CNOT4: variants seen among roughly 807,000 people sequenced by gnomAD.
CNOT4 encodes the protein CCR4-associated factor 4.
Under a neutral mutation model 73.8 loss-of-function variants are expected in CNOT4, and 8 were observed. The ratio of observed to expected loss-of-function variants is 0.11; its 90% CI spans 0.06 to 0.20. CNOT4 has a LOEUF of 0.20. Among genes scored for constraint, CNOT4 ranks in the 10% least tolerant of loss-of-function variants. The pLI is 1.00. For synonymous variants in CNOT4, 293 were observed against 321.1 expected (o/e 0.91, Z 0.94); for missense variants, 564 against 883.4 (o/e 0.64, Z 4.58).
chr7:135,459,339 T>G (rs1032738859), intron 1 of CNOT4, among the ~76,000 whole-genome samples: 1 of 152,192 alleles, frequency 6.6e-6, no homozygotes, highest in Non-Finnish European at 1.5e-5. Context: ...AGGAAGGATT[T>G]CTGCAGTGGG....
At chr7:135,490,139 T>G (rs1259830531) in intron 1 of CNOT4, among the ~76,000 whole-genome samples, 1 of 152,236 alleles carries the variant, frequency 6.6e-6, no homozygotes, top group African/African-American at 2.4e-5. Flanking sequence ...CTTCACAATT[T>G]CACATACGAT....
intron 7 of CNOT4, among the ~76,000 whole-genome samples, chr7:135,406,763 C>G (rs960487134): frequency 6.6e-6 from 1 of 152,028 alleles, no homozygotes; most frequent in African/African-American, 2.4e-5. Context: ...CTCCTGTTTC[C>G]CCCTTTACAA....
chr7:135,453,848 T>TATATATATATATATATATATATA (rs61345541), intron 1 of CNOT4, among the ~76,000 whole-genome samples: 41 of 116,700 alleles, frequency 3.5e-4, no homozygotes, highest in South Asian at 5.4e-4. Context: ...ATATATATAT[T>TATATATATATATATATATATATA]ATATATATAG....
At chr7:135,495,166 T>C (rs1803382668) in intron 1 of CNOT4, among the ~76,000 whole-genome samples, 1 of 152,122 alleles carries the variant, frequency 6.6e-6, no homozygotes, top group East Asian at 1.9e-4. Context: ...ATATTCCCTA[T>C]TATGAAATTT....
chr7:135,454,881 C>CAAAAT (rs1211564753), intron 1 of CNOT4, among the ~76,000 whole-genome samples: 2 of 151,950 alleles, frequency 1.3e-5, no homozygotes, highest in Admixed American at 1.3e-4. Flanking sequence ...GACAGCGTCT[C>CAAAAT]AAAATAAAAT....
intron 1 of CNOT4, among the ~76,000 whole-genome samples, chr7:135,450,487 T>G (rs1022816529): frequency 1.3e-5 from 2 of 152,056 alleles, no homozygotes; most frequent in African/African-American, 4.8e-5. Context: ...AGACCCAGAT[T>G]ACCAGGCAGG....
intron 10 of CNOT4, chr7:135,388,737 A>G: frequency 3.8e-6 from 6 of 1,569,588 alleles, no homozygotes; most frequent in Non-Finnish European, 5.2e-6. Flanking sequence ...ATCATGCAAA[A>G]ATCCAGTTGC....
At chr7:135,479,198 A>ATTTTTTTTTTTTTTT (rs61487024) in intron 1 of CNOT4, among the ~76,000 whole-genome samples, 1 of 89,816 alleles carries the variant, frequency 1.1e-5, no homozygotes, top group African/African-American at 4.7e-5. Context: ...TTAGAACCAA[A>ATTTTTTTTTTTTTTT]TTTTTTTTTT....
Position 135,363,754 on chromosome 7 carries a change from G to A in CNOT4, c.1840+100C>T. On this transcript the variant is annotated intron_variant, in intron 11 of 11. Coordinates refer to ENST00000541284, the MANE Select transcript of CNOT4 (RefSeq NM_001190850.2). The surrounding 1 kb of genome is among the most constrained non-coding windows in gnomAD (Gnocchi z 4.3). ...AGCCACTCCACACTTGCGGCTTTGT[G>A]AAAAGCAGCTTATGTTGAAGAGATC... 2.0e-6 allele frequency: 2 copies of A among 996,652 alleles called. No individual in the cohort carries two copies. The highest frequency in any genetic ancestry group is 2.9e-6 in the Non-Finnish European group (2 of 682,888). 61.7% of individuals were successfully genotyped at this position (996,652 alleles called of 1,614,324 possible). A position where few individuals can be genotyped will look rare whatever the true frequency, so the allele number is the denominator to read the frequency against.
chr7:135,414,900 C>T (rs2551778), intron 4 of CNOT4, among the ~76,000 whole-genome samples: 94,528 of 151,834 alleles, frequency 0.62, 29,610 homozygotes, highest in East Asian at 0.76. Context: ...ATCGAATCCT[C>T]ATCTATTTAT....
In CNOT4 at chr7:135,461,160, AT is replaced by A. The variant is rs200317077; in HGVS notation, c.-92-22738del. On this transcript the variant is annotated intron_variant, in intron 1 of 11. Transcript: ENST00000541284. ...ATTTTAGGTGGTGTGTGCCAGTCACATTTTTTTTTGAAAGTCTAGTGTAATG... is the reference window on the plus strand; with the variant it reads ...ATTTTAGGTGGTGTGTGCCAGTCACATTTTTTTTGAAAGTCTAGTGTAATG... 6.3e-4 allele frequency among the ~76,000 whole-genome samples: 96 copies of A among 151,304 alleles called. 1 individual carries two copies. The East Asian group carries it at 0.018, about 28-fold the overall frequency.
intron 1 of CNOT4, among the ~76,000 whole-genome samples, chr7:135,499,877 C>A (rs938956923): frequency 2.6e-5 from 4 of 152,130 alleles, no homozygotes; most frequent in South Asian, 4.2e-4. Flanking sequence ...TTAAAACAAA[C>A]CCCCCAAGGA....
Position 135,387,807 on chromosome 7 carries a change from C to G in CNOT4, c.1627+6111G>C, listed in dbSNP as rs1161294579. Reference sequence around the variant, plus strand: ...TGTCCTAATAAAGTACTCCACTATTCTCTTGATTAAAATTATCTGTTACAA... The same window carrying G: ...TGTCCTAATAAAGTACTCCACTATTGTCTTGATTAAAATTATCTGTTACAA... On this transcript the variant is annotated intron_variant, in intron 10 of 11. Transcript: ENST00000541284. 5.1e-6 allele frequency: 5 copies of G among 979,802 alleles called. No homozygotes were observed. The East Asian group carries it at 5.7e-4, about 111-fold the overall frequency. The allele number at this position is 979,802 out of a possible 1,614,324, so 60.7% of individuals were successfully genotyped here. A position where few individuals can be genotyped will look rare whatever the true frequency, so the allele number is the denominator to read the frequency against.
chr7:135,476,562 A>G (rs1802007496), intron 1 of CNOT4, among the ~76,000 whole-genome samples: 1 of 152,250 alleles, frequency 6.6e-6, no homozygotes, highest in Non-Finnish European at 1.5e-5. Context: ...TTGTAGTCCT[A>G]GCTACGGGGT....
chr7:135,443,399 A>G (rs566672800), intron 1 of CNOT4, among the ~76,000 whole-genome samples: 34 of 152,110 alleles, frequency 2.2e-4, no homozygotes, highest in African/African-American at 7.7e-4. Flanking sequence ...CAATCCTCAC[A>G]GTGACTTGGT....
intron 10 of CNOT4, chr7:135,388,102 C>T (rs1796213838): frequency 1.0e-6 from 1 of 985,064 alleles, no homozygotes; most frequent in South Asian, 4.7e-5. Flanking sequence ...TCCTGGTATA[C>T]TAGGCAGTGC....
chr7:135,438,314 A>G lies in CNOT4; in HGVS notation c.18T>C (p.Asp6=). Residue 6 remains aspartate (D), a synonymous_variant, in exon 2 of 12, where the codon GAT becomes GAC. Coordinates refer to ENST00000541284, the MANE Select transcript of CNOT4 (RefSeq NM_001190850.2). ...GGCACTCCACAGGGTCTTCCTTCGC[A>G]TCAGGACTGCGAGACATCTTCACGT... MSRSP[D]AKEDPVECPL... The G allele has an allele frequency of 6.2e-7, 1 of 1,609,690 alleles. No homozygotes were observed. The highest frequency in any genetic ancestry group is 1.1e-5 in the South Asian group (1 of 90,186).
chr7:135,385,405 G>A (rs969331830), intron 10 of CNOT4, among the ~76,000 whole-genome samples: 1 of 152,206 alleles, frequency 6.6e-6, no homozygotes, highest in Non-Finnish European at 1.5e-5. Flanking sequence ...CAATGCCTCC[G>A]TGGGAGTACC....
chr7:135,482,986 CAAAAAAAA>C (rs36125617), intron 1 of CNOT4, among the ~76,000 whole-genome samples: 1 of 43,502 alleles, frequency 2.3e-5, no homozygotes, highest in Non-Finnish European at 4.2e-5. Flanking sequence ...GACTCCATAT[CAAAAAAAA>C]AAAAAAAAAA....
Sources: allele counts gnomAD v4.1 joint callset (sites outside exome capture counted in the v4.1 genomes callset), GRCh38; gene constraint gnomAD v4.1.1; non-coding constraint Gnocchi (gnomAD v3.1); transcripts MANE v1.5; gene names NCBI Gene and HGNC (gene_info 2026-07-23, HGNC 2026-07-21).